The following ARMH1 variants were observed in gnomAD, a reference collection of about 807,000 sequenced individuals.
ARMH1 encodes the protein armadillo like helical domain containing 1, also known as armadillo-like helical domain containing protein 1.
In ARMH1, 34 loss-of-function variants were observed where a neutral mutation model predicts 50.2. The observed-to-expected ratio is 0.68, with a 90% CI of 0.51 to 0.90. The LOEUF (loss-of-function observed/expected upper bound fraction) is 0.90, where lower values mean the gene tolerates loss of function less well. ARMH1 is among the 40% of genes least tolerant of loss of function. ARMH1 has a pLI of 0.00. For missense variants in ARMH1, 538 were observed against 553.9 expected (o/e 0.97, Z 0.29); for synonymous variants, 221 against 224.2 (o/e 0.99, Z 0.13).
At chr1:44,678,797 G>T (rs796578247) in intron 1 of ARMH1, among the ~76,000 whole-genome samples, 4 of 152,154 alleles carry the variant, frequency 2.6e-5, no homozygotes, top group South Asian at 4.1e-4. Context: ...GATTTGCCGG[G>T]GGGGTGGGGA....
Position 44,725,552 on chromosome 1 carries a change from G to T in ARMH1, c.*149G>T, listed in dbSNP as rs959319012. On this transcript the variant is annotated 3_prime_UTR_variant, in exon 12 of 12. Coordinates refer to ENST00000535358, the MANE Select transcript of ARMH1 (RefSeq NM_001145636.2). ...ATCCCAGAGGGGCAGAGGAAGAGCC[G>T]CTGGCTGCGAAGAGTCAATAAACAG... The T allele has an allele frequency of 8.1e-6, 6 of 740,450 alleles. No individual in the cohort carries two copies. The highest frequency in any genetic ancestry group is 1.4e-5 in the Non-Finnish European group (6 of 443,242). The allele number at this position is 740,450 out of a possible 1,614,324, so 45.9% of individuals were successfully genotyped here.
At chr1:44,699,062 C>A (rs565060993) in intron 4 of ARMH1, among the ~76,000 whole-genome samples, 4 of 151,966 alleles carry the variant, frequency 2.6e-5, no homozygotes, top group Admixed American at 6.6e-5. Context: ...GCAGTCGGAT[C>A]ACGAGGTCAG....
chr1:44,722,538 G>T (rs1033653915), intron 6 of ARMH1, among the ~76,000 whole-genome samples: 3 of 151,554 alleles, frequency 2.0e-5, no homozygotes, highest in Non-Finnish European at 2.9e-5. Flanking sequence ...CTGAGGTCAG[G>T]AGTTCAAGAC....
intron 1 of ARMH1, among the ~76,000 whole-genome samples, chr1:44,677,609 G>C (rs1210052455): frequency 6.6e-6 from 1 of 152,174 alleles, no homozygotes; most frequent in Non-Finnish European, 1.5e-5. Context: ...TGATGACAAG[G>C]TCCACTGTGT....
At chr1:44,691,939 G>A (rs993417821) in intron 2 of ARMH1, among the ~76,000 whole-genome samples, 6 of 152,204 alleles carry the variant, frequency 3.9e-5, no homozygotes, top group African/African-American at 1.4e-4. Flanking sequence ...GCAGGTCAAG[G>A]CTAAAGACAG....
intron 4 of ARMH1, among the ~76,000 whole-genome samples, chr1:44,700,482 G>A (rs1334731971): frequency 2.4e-4 from 36 of 151,902 alleles, no homozygotes; most frequent in Non-Finnish European, 5.9e-5. Flanking sequence ...CAGGCCTGGT[G>A]GCACACACCT....
intron 4 of ARMH1, 136 bp from the exon 5 acceptor site, chr1:44,700,787 G>C (rs942149031): frequency 6.0e-6 from 4 of 667,450 alleles, no homozygotes; most frequent in African/African-American, 3.6e-5. Context: ...TGCAACATGA[G>C]AACCAGGCCT....
chr1:44,686,902 G>A (rs1296399421), intron 1 of ARMH1, among the ~76,000 whole-genome samples: 1 of 150,370 alleles, frequency 6.7e-6, no homozygotes, highest in Non-Finnish European at 1.5e-5. Flanking sequence ...GATCGTACCT[G>A]TGAATAGCCA....
At chr1:44,685,156 A>T (rs1407505499) in intron 1 of ARMH1, among the ~76,000 whole-genome samples, 1 of 152,210 alleles carries the variant, frequency 6.6e-6, no homozygotes, top group Admixed American at 6.5e-5. Flanking sequence ...TACTATAGTA[A>T]ATTAAAAAAG....
At position 44,689,747 on chromosome 1, in the gene ARMH1, T is replaced by C; in HGVS notation, c.50T>C (p.Leu17Ser). The stretch of plus-strand genomic sequence containing the variant: ...GCAATTAGCAGGCTCTTAAGTTTTT[T>C]ACAGGAGTGGGACAACGCTGGCAAA... The part of the protein sequence containing the change: ...QAAISRLLSF[L>S]QEWDNAGKVA... The change falls in exon 2 of 12, where the codon TTA (leucine) becomes TCA (serine). Residue 17 changes from leucine (L) to serine (S), a missense_variant. Transcript: ENST00000535358. The C allele has an allele frequency of 6.4e-7, 1 of 1,552,030 alleles. No homozygotes were observed. Among genetic ancestry groups the C allele is most frequent in the Non-Finnish European group, 8.7e-7 (1 of 1,147,066 alleles).
At chr1:44,686,796 C>G (rs1383039794) in intron 1 of ARMH1, among the ~76,000 whole-genome samples, 2 of 151,998 alleles carry the variant, frequency 1.3e-5, no homozygotes, top group Non-Finnish European at 2.9e-5. Flanking sequence ...GATTCCTCCA[C>G]TGGGCAAGGT....
At chr1:44,722,309 T>A (rs1439093049) in intron 6 of ARMH1, among the ~76,000 whole-genome samples, 1 of 152,058 alleles carries the variant, frequency 6.6e-6, no homozygotes, top group African/African-American at 2.4e-5. Flanking sequence ...ATCCCTGCAC[T>A]TAAGGAGGCA....
At chr1:44,721,689 A>G (rs767536083) in intron 6 of ARMH1, 1 of 151,712 alleles carries the variant, frequency 6.6e-6, no homozygotes, top group Non-Finnish European at 1.5e-5. Flanking sequence ...CGACCACACC[A>G]CTCCGCTACA....
At chr1:44,689,613 A>G in intron 1 of ARMH1, 63 bp from the exon 2 acceptor site, 1 of 1,302,024 alleles carries the variant, frequency 7.7e-7, no homozygotes, top group Non-Finnish European at 1.1e-6. Flanking sequence ...ATTGCTAGAA[A>G]AATAATGGAG....
chr1:44,676,247 AG>A lies in ARMH1; in HGVS notation c.-23+1375del, dbSNP rs1645137435. Among the ~76,000 whole-genome samples, 3 of 152,194 alleles carry A rather than the reference AG, an allele frequency of 2.0e-5. No individual in the cohort carries two copies. The South Asian group carries it at 6.2e-4, about 32-fold the overall frequency. On this transcript the variant is annotated intron_variant, in intron 1 of 11. Transcript: ENST00000535358. ...AAGCAGGGGTTTTTAGGAGAGGGTCAGTTCTGGGCACGGTGAGCTTGGGGTG... is the reference window on the plus strand; with the variant it reads ...AAGCAGGGGTTTTTAGGAGAGGGTCATTCTGGGCACGGTGAGCTTGGGGTG...
chr1:44,710,834 C>T (rs1646583530), intron 6 of ARMH1, among the ~76,000 whole-genome samples: 1 of 152,172 alleles, frequency 6.6e-6, no homozygotes, highest in African/African-American at 2.4e-5. Flanking sequence ...ACCCTGAATT[C>T]AGCGAGCAGC....
rs1645883877 is a variant in ARMH1, at chr1:44,697,959, G to A, written c.276-104G>A. On this transcript the variant is annotated intron_variant, in intron 3 of 11. Coordinates refer to ENST00000535358, the MANE Select transcript of ARMH1 (RefSeq NM_001145636.2). The stretch of plus-strand genomic sequence containing the variant: ...TTTACCTATGGACATTTCCTGGATA[G>A]GAGGGCAAAGTATGTAAAGAGGGGA... 4 of 859,578 alleles carry A rather than the reference G, an allele frequency of 4.7e-6. No individual in the cohort carries two copies. The South Asian group carries it at 8.0e-5, about 17-fold the overall frequency. The allele number at this position is 859,578 out of a possible 1,614,324, so 53.2% of individuals were successfully genotyped here.
intron 1 of ARMH1, among the ~76,000 whole-genome samples, chr1:44,675,539 T>TGA (rs955716733): frequency 1.3e-5 from 2 of 152,044 alleles, no homozygotes; most frequent in Non-Finnish European, 2.9e-5. Flanking sequence ...AGCGCATGCC[T>TGA]GAAGTCCCAG....
In ARMH1 at chr1:44,693,124, G is replaced by C. The variant is rs1054703266; in HGVS notation, c.206+3221G>C. The C allele has an allele frequency of 3.9e-5, 6 of 152,218 alleles. 1 individual carries two copies. The highest frequency in any genetic ancestry group is 3.3e-4 in the Admixed American group (5 of 15,282). The allele number at this position is 152,218 out of a possible 1,614,324, so 9.4% of individuals were successfully genotyped here. On this transcript the variant is annotated intron_variant, in intron 2 of 11. Transcript: ENST00000535358. ...TATCCACCCACACTCCCAAGGTTCT[G>C]CTTTAGTAGATTGAGGGTGGAACCC...
Sources: allele counts gnomAD v4.1 joint callset (sites outside exome capture counted in the v4.1 genomes callset), GRCh38; gene constraint gnomAD v4.1.1; transcripts MANE v1.5; gene names NCBI Gene and HGNC (gene_info 2026-07-23, HGNC 2026-07-21).